VPS13B: variants seen among roughly 807,000 people sequenced by gnomAD.
VPS13B encodes the protein vacuolar protein sorting 13 homolog B.
A neutral mutation model predicts 426.4 loss-of-function variants in VPS13B; 285 were observed. The ratio of observed to expected loss-of-function variants is 0.67; its 90% CI spans 0.61 to 0.74. The LOEUF is 0.74. VPS13B is among the 30% of genes least tolerant of loss of function. The probability of loss-of-function intolerance (pLI) is 0.00; values close to 1 mark genes in which losing one functional copy is unlikely to be tolerated. For missense variants in VPS13B, 4,537 were observed against 4,782.6 expected, an observed-to-expected ratio of 0.95 and a Z score of 1.51; for synonymous variants, 1,676 against 1,676.4, an observed-to-expected ratio of 1.00 and a Z score of 0.01.
At chr8:99,349,224 T>C (rs1811722591) in intron 19 of VPS13B, among the ~76,000 whole-genome samples, 1 of 137,940 alleles carries the variant, frequency 7.2e-6, no homozygotes, top group Admixed American at 7.6e-5. Context: ...TCCCAGCTAC[T>C]TGGGAGGCTG....
intron 43 of VPS13B, among the ~76,000 whole-genome samples, chr8:99,803,432 C>G (rs1813234079): frequency 6.6e-6 from 1 of 152,204 alleles, no homozygotes; most frequent in Non-Finnish European, 1.5e-5. Flanking sequence ...TTTAGAAAGG[C>G]TTTCTCAGTT....
intron 3 of VPS13B, among the ~76,000 whole-genome samples, chr8:99,053,704 CTT>C: frequency 1.0e-5 from 1 of 98,518 alleles, no homozygotes; most frequent in East Asian, 2.7e-4. Flanking sequence ...GCTTACAACT[CTT>C]TTTTTTTTGG....
intron 33 of VPS13B, among the ~76,000 whole-genome samples, chr8:99,604,177 A>G (rs561458664): frequency 6.6e-6 from 1 of 152,280 alleles, no homozygotes; most frequent in South Asian, 2.1e-4. Flanking sequence ...CTCTTTTAAA[A>G]TTTTTAATAT....
intron 22 of VPS13B, among the ~76,000 whole-genome samples, chr8:99,438,460 C>T (rs191261770): frequency 4.5e-4 from 68 of 152,208 alleles, no homozygotes; most frequent in Non-Finnish European, 7.6e-4. Flanking sequence ...ACAAATTTTG[C>T]ACACAGGCCC....
rs985132418 is a variant in VPS13B, at chr8:99,685,756, G to A, written c.6047-13769G>A. Among the ~76,000 whole-genome samples the A allele has an allele frequency of 3.3e-5, 5 of 152,212 alleles. No homozygotes were observed. The East Asian group carries it at 7.7e-4, about 23-fold the overall frequency. On this transcript the variant is annotated intron_variant, in intron 35 of 61. Coordinates refer to ENST00000357162, the MANE Select transcript of VPS13B (RefSeq NM_152564.5). Reference sequence around the variant, plus strand: ...GGATTCTGAATTCCTTCTCTGCATTGTTTTGAATTTTGCTGAATTTCCTCA... The same window carrying A: ...GGATTCTGAATTCCTTCTCTGCATTATTTTGAATTTTGCTGAATTTCCTCA...
At chr8:99,603,210 T>C (rs112427565) in intron 33 of VPS13B, among the ~76,000 whole-genome samples, 1,772 of 152,266 alleles carry the variant, frequency 0.012, 32 homozygotes, top group African/African-American at 0.04. Flanking sequence ...GGATATTTCT[T>C]CTAACATAAC....
intron 39 of VPS13B, among the ~76,000 whole-genome samples, chr8:99,742,297 G>T (rs1177392632): frequency 1.3e-5 from 2 of 152,192 alleles, no homozygotes; most frequent in African/African-American, 4.8e-5. Flanking sequence ...TCTCTGAATA[G>T]ACCAATAACA....
chr8:99,835,474 T>C, intron 53 of VPS13B, 65 bp from the exon 54 acceptor site: 3 of 1,555,660 alleles, frequency 1.9e-6, no homozygotes, highest in Non-Finnish European at 1.8e-6. Context: ...TGCCACATTA[T>C]GTTCTGTCCC....
intron 35 of VPS13B, among the ~76,000 whole-genome samples, chr8:99,691,360 G>C (rs1441319223): frequency 6.6e-6 from 1 of 151,938 alleles, no homozygotes; most frequent in African/African-American, 2.4e-5. Context: ...GCTATTGAAA[G>C]GTAATTTTTG....
At chr8:99,395,074 G>T (rs1197586382) in intron 21 of VPS13B, among the ~76,000 whole-genome samples, 1 of 152,174 alleles carries the variant, frequency 6.6e-6, no homozygotes, top group Non-Finnish European at 1.5e-5. Flanking sequence ...CTCATAGAAA[G>T]GAAACAAAGG....
chr8:99,293,586 AC>A (rs1385071090), intron 19 of VPS13B, among the ~76,000 whole-genome samples: 1 of 126,448 alleles, frequency 7.9e-6, no homozygotes, highest in African/African-American at 3.0e-5. Flanking sequence ...AAAAGAAACT[AC>A]CATCAGAGTG....
intron 34 of VPS13B, among the ~76,000 whole-genome samples, chr8:99,646,479 T>G (rs915393994): frequency 1.7e-4 from 26 of 152,136 alleles, no homozygotes; most frequent in African/African-American, 6.3e-4. Flanking sequence ...AAACCGAGAT[T>G]GCATCACTGT....
chr8:99,712,599 C>T (rs1832747998), intron 36 of VPS13B, among the ~76,000 whole-genome samples: 2 of 152,042 alleles, frequency 1.3e-5, no homozygotes, highest in South Asian at 4.1e-4. Context: ...CTTTAGTGCT[C>T]ACCTAAGTCT....
At chr8:99,580,985 ACAC>A (rs1383232551) in intron 33 of VPS13B, among the ~76,000 whole-genome samples, 4 of 4,060 alleles carry the variant, frequency 9.9e-4, no homozygotes, top group Non-Finnish European at 1.6e-3. Flanking sequence ...TCTCTACAAA[ACAC>A]ACACACACAC....
At chr8:99,807,144 C>T (rs931006107) in intron 43 of VPS13B, among the ~76,000 whole-genome samples, 2 of 152,086 alleles carry the variant, frequency 1.3e-5, no homozygotes, top group Non-Finnish European at 2.9e-5. Flanking sequence ...GAACTAAATC[C>T]AAACATATCT....
chr8:99,342,689 A>T lies in VPS13B; in HGVS notation c.2825-41519A>T, dbSNP rs556459067. 9.7e-4 allele frequency among the ~76,000 whole-genome samples: 148 copies of T among 152,338 alleles called. 1 individual carries two copies. Among genetic ancestry groups the T allele is most frequent in the Non-Finnish European group, 2.0e-3 (136 of 68,024 alleles). ...ATACCATATCTTGTCTATTGTGAAT[A>T]GTGCTGCAGTGAACATGGCAGTGCA... is the stretch of plus-strand genomic sequence containing the variant. On this transcript the variant is annotated intron_variant, in intron 19 of 61. Coordinates refer to ENST00000357162, the MANE Select transcript of VPS13B (RefSeq NM_152564.5).
chr8:99,261,968 A>T (rs949041654), intron 17 of VPS13B, among the ~76,000 whole-genome samples: 1 of 152,152 alleles, frequency 6.6e-6, no homozygotes, highest in African/African-American at 2.4e-5. Flanking sequence ...TTTACTTGTC[A>T]GATGTTTATT....
chr8:99,392,981 T>C (rs1814524096), intron 21 of VPS13B, among the ~76,000 whole-genome samples: 1 of 152,020 alleles, frequency 6.6e-6, no homozygotes, highest in Non-Finnish European at 1.5e-5. Flanking sequence ...AGAGTTAGAG[T>C]TTAGGTTTTA....
intron 2 of VPS13B, among the ~76,000 whole-genome samples, chr8:99,028,265 C>T (rs1223991712): frequency 1.3e-5 from 2 of 151,392 alleles, no homozygotes; most frequent in Non-Finnish European, 3.0e-5. Flanking sequence ...GGCAGAGGGG[C>T]TCCTCACTTC....
Sources: gnomAD v4.1 joint callset for allele counts (sites outside exome capture counted in the v4.1 genomes callset) on GRCh38, gnomAD v4.1.1 for gene constraint, MANE v1.5 for transcripts, NCBI Gene and HGNC (gene_info 2026-07-23, HGNC 2026-07-21) for gene names.